RPH3AL: variants seen among roughly 807,000 people sequenced by gnomAD.
The protein encoded by RPH3AL is rabphilin 3A like (without C2 domains).
In RPH3AL, 38 loss-of-function variants were observed where a neutral mutation model predicts 43.1. The observed-to-expected ratio is 0.88, with a 90% CI of 0.68 to 1.15. The LOEUF is 1.15. RPH3AL is among the 50% of genes most tolerant of loss of function. The pLI is 0.00. For synonymous variants in RPH3AL, 189 were observed against 176.3 expected (o/e 1.07, Z -0.57); for missense variants, 462 against 423.2 (o/e 1.09, Z -0.81).
intron 2 of RPH3AL, among the ~76,000 whole-genome samples, chr17:329,530 T>C (rs1048192517): frequency 6.6e-6 from 1 of 152,242 alleles, no homozygotes; most frequent in East Asian, 1.9e-4. Context: ...ACATGGGCTA[T>C]GACCATTGCT....
In RPH3AL at chr17:345,935, C is replaced by T. The variant is rs1216744134; in HGVS notation, c.-213+6777G>A. Among the ~76,000 whole-genome samples the T allele has an allele frequency of 6.7e-5, 9 of 134,858 alleles. 2 individuals are homozygous for T. The highest frequency in any genetic ancestry group is 1.0e-4 in the African/African-American group (4 of 39,370). 88.5% of individuals were successfully genotyped at this position (134,858 alleles called of 152,430 possible). A position where few individuals can be genotyped will look rare whatever the true frequency, so the allele number is the denominator to read the frequency against. On this transcript the variant is annotated intron_variant, in intron 1 of 9. Coordinates refer to ENST00000331302, the MANE Select transcript of RPH3AL (RefSeq NM_006987.4). The stretch of plus-strand genomic sequence containing the variant: ...TGGGATGCCAGTGGGCTCTGAGTCT[C>T]GAAGACCAGGACATAAGGGAAACAC...
chr17:260,900 C>T (rs1234156876), intron 6 of RPH3AL, among the ~76,000 whole-genome samples: 1 of 152,202 alleles, frequency 6.6e-6, no homozygotes, highest in Non-Finnish European at 1.5e-5. Context: ...TTCCTTCTCC[C>T]TTCCCTGGAC....
chr17:314,220 G>A (rs921780424), intron 5 of RPH3AL, among the ~76,000 whole-genome samples: 2 of 152,148 alleles, frequency 1.3e-5, no homozygotes, highest in East Asian at 1.9e-4. Flanking sequence ...CCTCTTCATG[G>A]TCCCCTATAG....
chr17:278,520 T>C (rs77459804), intron 6 of RPH3AL, among the ~76,000 whole-genome samples: 9,142 of 152,132 alleles, frequency 0.06, 765 homozygotes, highest in African/African-American at 0.19. Flanking sequence ...ACCTGCTGCT[T>C]TGCACCCCTA....
intron 6 of RPH3AL, among the ~76,000 whole-genome samples, chr17:270,636 G>A (rs968858631): frequency 1.3e-5 from 2 of 152,004 alleles, no homozygotes; most frequent in African/African-American, 4.8e-5. Context: ...GATTGGTTGA[G>A]CTCAGGAGTT....
At chr17:285,419 A>G (rs1431060638) in intron 5 of RPH3AL, among the ~76,000 whole-genome samples, 2 of 152,176 alleles carry the variant, frequency 1.3e-5, no homozygotes, top group Admixed American at 6.6e-5. Flanking sequence ...TTGAGGATCA[A>G]CTGAGACACA....
chr17:303,118 C>T (rs984618042), intron 5 of RPH3AL, among the ~76,000 whole-genome samples: 9 of 152,300 alleles, frequency 5.9e-5, no homozygotes, highest in South Asian at 2.1e-4. Flanking sequence ...GTAACTGTAT[C>T]GTTAAGGTTG....
chr17:339,753 C>G (rs1406716521), intron 1 of RPH3AL: 2 of 152,262 alleles, frequency 1.3e-5, no homozygotes, highest in East Asian at 1.9e-4. Context: ...AGGTGCCTAA[C>G]GAAAGCAATG....
At position 213,976 on chromosome 17, in the gene RPH3AL, C is replaced by T. The variant is rs181478687; in HGVS notation, c.877-53G>A. 4.0e-4 allele frequency: 551 copies of T among 1,390,848 alleles called. 4 individuals carry two copies. In the African/African-American group the frequency reaches 7.1e-3, roughly 18 times the overall value. The allele number at this position is 1,390,848 out of a possible 1,614,324, so 86.2% of individuals were successfully genotyped here. A position where few individuals can be genotyped will look rare whatever the true frequency, so the allele number is the denominator to read the frequency against. ...TGGTGAGCAGCGGTGGAGTCCCTCC[C>T]TCCCCGGTGACAGCTCGGCCTTTGG... is the stretch of plus-strand genomic sequence containing the variant. On this transcript the variant is annotated intron_variant, in intron 9 of 9. Transcript: ENST00000331302.
chr17:214,496 T>A (rs2040745971), intron 9 of RPH3AL, among the ~76,000 whole-genome samples: 1 of 152,224 alleles, frequency 6.6e-6, no homozygotes, highest in South Asian at 2.1e-4. Context: ...TTGGGCGCAG[T>A]GGCTCTTGCC....
Position 290,168 on chromosome 17 carries a change from C to T in RPH3AL, c.352-8314G>A, listed in dbSNP as rs1192264804. 1.3e-5 allele frequency among the ~76,000 whole-genome samples: 2 copies of T among 152,248 alleles called. No homozygotes were observed. Among genetic ancestry groups the T allele is most frequent in the African/African-American group, 4.8e-5 (2 of 41,462 alleles). On this transcript the variant is annotated intron_variant, in intron 5 of 9. Coordinates refer to ENST00000331302, the MANE Select transcript of RPH3AL (RefSeq NM_006987.4). This position sits in a 1 kb window ranked among gnomAD's most constrained non-coding sequence, Gnocchi z 4.2. Reference sequence around the variant, plus strand: ...GCCGGGAAGACAAGCTGCACGGAGGCGTGAAGGCACTCGCTCAGCGACACG... The same window carrying T: ...GCCGGGAAGACAAGCTGCACGGAGGTGTGAAGGCACTCGCTCAGCGACACG...
At chr17:292,758 C>T (rs927624390) in intron 5 of RPH3AL, among the ~76,000 whole-genome samples, 1 of 152,178 alleles carries the variant, frequency 6.6e-6, no homozygotes, top group Non-Finnish European at 1.5e-5. Context: ...GGTCAAGCTT[C>T]AAGTGGGAGG....
chr17:246,752 T>C lies in RPH3AL; in HGVS notation c.613+359A>G, dbSNP rs2041774380. 6.6e-6 allele frequency among the ~76,000 whole-genome samples: 1 copy of C among 152,174 alleles called. No homozygotes were observed. Among genetic ancestry groups the C allele is most frequent in the African/African-American group, 2.4e-5 (1 of 41,446 alleles). Reference sequence around the variant, plus strand: ...GTGCCAGGAAGAGATGGTGAGGGCCTGCCTGGGAAAGATGTAGGTTTTATA... The same window carrying C: ...GTGCCAGGAAGAGATGGTGAGGGCCCGCCTGGGAAAGATGTAGGTTTTATA... On this transcript the variant is annotated intron_variant, in intron 7 of 9. Transcript: ENST00000331302. This position sits in a 1 kb window ranked among gnomAD's most constrained non-coding sequence, Gnocchi z 4.8.
chr17:214,885 T>C (rs1270026783), intron 9 of RPH3AL: 4 of 152,214 alleles, frequency 2.6e-5, no homozygotes, highest in Non-Finnish European at 4.4e-5. Flanking sequence ...CACACTGTCC[T>C]CTGTGGAGGA....
chr17:252,793 AT>A (rs1252648014), intron 6 of RPH3AL, among the ~76,000 whole-genome samples: 1 of 152,176 alleles, frequency 6.6e-6, no homozygotes, highest in Non-Finnish European at 1.5e-5. Context: ...ATTTTAGAAT[AT>A]TTGCATTATA....
chr17:253,605 T>C (rs191169710), intron 6 of RPH3AL, among the ~76,000 whole-genome samples: 16 of 152,214 alleles, frequency 1.1e-4, no homozygotes, highest in African/African-American at 3.9e-4. Flanking sequence ...TGAAACTCTA[T>C]AACCACTAAG....
rs752707161 is a variant in RPH3AL, at chr17:247,065, C to T, written c.613+46G>A. 4.3e-6 allele frequency: 7 copies of T among 1,610,620 alleles called. No homozygotes were observed. The African/African-American group carries it at 8.0e-5, about 18-fold the overall frequency. On this transcript the variant is annotated intron_variant, in intron 7 of 9. Coordinates refer to ENST00000331302, the MANE Select transcript of RPH3AL (RefSeq NM_006987.4). ...TGCAAACTGCCGGGCTGGCTAATGA[C>T]CCAAACTTTACAGGCCATCCTGGGA...
chr17:334,338 T>G (rs1237436312), intron 1 of RPH3AL, among the ~76,000 whole-genome samples: 1 of 152,174 alleles, frequency 6.6e-6, no homozygotes, highest in Non-Finnish European at 1.5e-5. Flanking sequence ...GAAAAACATA[T>G]CCGGAGGCAA....
chr17:262,906 G>GT (rs1260692366), intron 6 of RPH3AL, among the ~76,000 whole-genome samples: 1 of 152,282 alleles, frequency 6.6e-6, no homozygotes, highest in East Asian at 1.9e-4. Context: ...CTGTGGATGT[G>GT]TTTTCCCCTC....
Sources: gnomAD v4.1 joint callset for allele counts (sites outside exome capture counted in the v4.1 genomes callset) on GRCh38, gnomAD v4.1.1 for gene constraint, Gnocchi (gnomAD v3.1) non-coding constraint, MANE v1.5 for transcripts, NCBI Gene and HGNC (gene_info 2026-07-23, HGNC 2026-07-21) for gene names.